Variants in RALYL observed in about 807,000 individuals in gnomAD.
The protein encoded by RALYL is RALY RNA binding protein like.
Under a neutral mutation model 35.1 loss-of-function variants are expected in RALYL, and 29 were observed. That is an observed-to-expected ratio of 0.83 (90% CI 0.61 to 1.13). RALYL has a LOEUF of 1.13. RALYL is among the 50% of genes most tolerant of loss of function. RALYL has a pLI of 0.00. For missense variants in RALYL, 359 were observed against 360.4 expected (o/e 1.00, Z 0.03); for synonymous variants, 120 against 127.6 (o/e 0.94, Z 0.40).
Position 84,674,100 on chromosome 8 carries a change from AG to A in RALYL, c.257-100478del, listed in dbSNP as rs570717560. Reference sequence around the variant, plus strand: ...GTAGAGATCTTTCACTTTCCTAATTAGCTGTATTCCTAAGTATTTTATCCTT... The same window carrying A: ...GTAGAGATCTTTCACTTTCCTAATTACTGTATTCCTAAGTATTTTATCCTT... On this transcript the variant is annotated intron_variant, in intron 2 of 8. Coordinates refer to ENST00000521268, the MANE Select transcript of RALYL (RefSeq NM_173848.7). Among the ~76,000 whole-genome samples, 4 of 152,206 alleles carry A rather than the reference AG, an allele frequency of 2.6e-5. No individual in the cohort carries two copies. In the South Asian group the frequency reaches 8.3e-4, roughly 32 times the overall value.
chr8:84,840,841 C>T (rs1275458785), intron 4 of RALYL, among the ~76,000 whole-genome samples: 1 of 152,190 alleles, frequency 6.6e-6, no homozygotes, highest in Non-Finnish European at 1.5e-5. Context: ...GAATTTTCAA[C>T]TCAGAATTTC....
At chr8:84,793,491 G>A (rs961269993) in intron 3 of RALYL, among the ~76,000 whole-genome samples, 5 of 152,166 alleles carry the variant, frequency 3.3e-5, no homozygotes, top group African/African-American at 1.2e-4. Context: ...GAATCCATCG[G>A]GTTTGGTGTT....
intron 5 of RALYL, among the ~76,000 whole-genome samples, chr8:84,862,073 G>T (rs965536014): frequency 2.0e-5 from 3 of 152,122 alleles, no homozygotes; most frequent in African/African-American, 7.2e-5. Flanking sequence ...TCCTCTTGGA[G>T]GTCACACTCT....
chr8:84,737,395 AATGGAGAT>A (rs539265502), intron 2 of RALYL, among the ~76,000 whole-genome samples: 63 of 152,090 alleles, frequency 4.1e-4, no homozygotes, highest in African/African-American at 1.4e-3. Flanking sequence ...TCAAACTTTT[AATGGAGAT>A]ATTTTAGATT....
intron 2 of RALYL, chr8:84,679,957 C>T (rs926302257): frequency 1.6e-5 from 4 of 244,198 alleles, no homozygotes; most frequent in Middle Eastern, 1.5e-3. Context: ...CCCATTAACT[C>T]GTCATTTAAT....
intron 2 of RALYL, among the ~76,000 whole-genome samples, chr8:84,618,326 G>T (rs1232267138): frequency 6.6e-6 from 1 of 151,728 alleles, no homozygotes; most frequent in African/African-American, 2.4e-5. Flanking sequence ...TCTTGGGAGG[G>T]TGTATGTGTC....
chr8:84,758,999 T>C (rs1259271477), intron 2 of RALYL, among the ~76,000 whole-genome samples: 1 of 152,152 alleles, frequency 6.6e-6, no homozygotes, highest in Non-Finnish European at 1.5e-5. Context: ...TTCATTTTCT[T>C]GTCTTTTCCA....
intron 1 of RALYL, among the ~76,000 whole-genome samples, chr8:84,342,631 A>C (rs994973454): frequency 6.6e-6 from 1 of 151,910 alleles, no homozygotes; most frequent in South Asian, 2.1e-4. Flanking sequence ...TCATATGCCA[A>C]TTACTCCTAG....
chr8:84,360,777 G>T (rs1471176809), intron 1 of RALYL, among the ~76,000 whole-genome samples: 1 of 151,932 alleles, frequency 6.6e-6, no homozygotes, highest in Non-Finnish European at 1.5e-5. Flanking sequence ...ATTGAGTGTG[G>T]GGATGAATTA....
chr8:84,558,919 G>T (rs1335370890), intron 2 of RALYL, among the ~76,000 whole-genome samples: 2 of 152,002 alleles, frequency 1.3e-5, no homozygotes, highest in Admixed American at 1.3e-4. Flanking sequence ...GCACTGTACC[G>T]AGTCTGTGAA....
At chr8:84,514,762 G>A (rs2057923200) in intron 1 of RALYL, among the ~76,000 whole-genome samples, 1 of 152,136 alleles carries the variant, frequency 6.6e-6, no homozygotes, top group African/African-American at 2.4e-5. Flanking sequence ...TGTGCCCTTA[G>A]CCCGAATTGT....
intron 3 of RALYL, among the ~76,000 whole-genome samples, chr8:84,791,236 G>A (rs1251902362): frequency 2.0e-5 from 3 of 152,154 alleles, no homozygotes; most frequent in South Asian, 2.1e-4. Flanking sequence ...AGGGGGTGAT[G>A]AGCAGGCAAA....
At chr8:84,401,693 C>A (rs1360847050) in intron 1 of RALYL, among the ~76,000 whole-genome samples, 1 of 139,556 alleles carries the variant, frequency 7.2e-6, no homozygotes, top group Non-Finnish European at 1.5e-5. Flanking sequence ...CATTTAGTAA[C>A]CAGTTAGGGA....
intron 2 of RALYL, among the ~76,000 whole-genome samples, chr8:84,669,052 T>C (rs569509982): frequency 5.2e-4 from 79 of 152,280 alleles, no homozygotes; most frequent in African/African-American, 1.8e-3. Context: ...ATTATGTTCA[T>C]GTGTCTTGCA....
intron 1 of RALYL, among the ~76,000 whole-genome samples, chr8:84,353,849 T>C (rs2131122296): frequency 6.7e-6 from 1 of 150,234 alleles, no homozygotes; most frequent in African/African-American, 2.5e-5. Flanking sequence ...TTTGATAGTG[T>C]CATAAATGTC....
At chr8:84,705,982 G>A in intron 2 of RALYL, 1 of 1,533,918 alleles carries the variant, frequency 6.5e-7, no homozygotes. Context: ...TTGTCTCCGT[G>A]GTCAAATCAA....
chr8:84,489,586 T>G (rs182554651), intron 1 of RALYL, among the ~76,000 whole-genome samples: 288 of 152,128 alleles, frequency 1.9e-3, no homozygotes, highest in Non-Finnish European at 2.9e-3. Flanking sequence ...GAAAAGGAAT[T>G]ACTGTGTATT....
At chr8:84,425,125 A>G (rs1434028044) in intron 1 of RALYL, among the ~76,000 whole-genome samples, 2 of 152,200 alleles carry the variant, frequency 1.3e-5, no homozygotes, top group East Asian at 1.9e-4. Context: ...AAGCCTGGGC[A>G]ATGGCGGACG....
Position 84,681,664 on chromosome 8 carries a change from G to A in RALYL, c.257-92915G>A, listed in dbSNP as rs143215777. Reference sequence around the variant, plus strand: ...CTGTCTGTTATTGGTGTATAGGAATGCTTGTGATTTTTGCACATTGATTTT... The same window carrying A: ...CTGTCTGTTATTGGTGTATAGGAATACTTGTGATTTTTGCACATTGATTTT... On this transcript the variant is annotated intron_variant, in intron 2 of 8. Transcript: ENST00000521268. Among the ~76,000 whole-genome samples, 603 of 152,308 alleles carry A rather than the reference G, an allele frequency of 4.0e-3. 6 individuals carry two copies. Among genetic ancestry groups the A allele is most frequent in the African/African-American group, 0.013 (554 of 41,570 alleles).
Sources: gnomAD v4.1 joint callset for allele counts (sites outside exome capture counted in the v4.1 genomes callset) on GRCh38, gnomAD v4.1.1 for gene constraint, MANE v1.5 for transcripts, NCBI Gene and HGNC (gene_info 2026-07-23, HGNC 2026-07-21) for gene names.